MYNN: variants seen among roughly 807,000 people sequenced by gnomAD.
MYNN encodes the protein myoneurin, also known as zinc finger and BTB domain-containing protein 31.
MYNN carries 22 observed loss-of-function variants against 57.2 expected under a neutral mutation model. That is an observed-to-expected ratio of 0.38 (90% confidence interval 0.27 to 0.55). MYNN has a LOEUF of 0.55. Ranked by LOEUF, MYNN falls within the 20% of genes least tolerant of loss-of-function variation. MYNN has a pLI of 0.71. For missense variants in MYNN, 566 were observed against 723.1 expected, an observed-to-expected ratio of 0.78 and a Z score of 2.49; for synonymous variants, 241 against 257.1, an observed-to-expected ratio of 0.94 and a Z score of 0.60.
rs1280542901 is a variant in MYNN, at chr3:169,779,364, A to G, written c.863A>G (p.Asn288Ser). Residue 288 changes from asparagine (N) to serine (S), a missense_variant, in exon 3 of 8, where the codon AAC (asparagine) becomes AGC (serine). Physicochemically the swap from Asn to Ser is conservative, Grantham distance 46. Transcript: ENST00000349841. ...GTCAAGAGTCCTTATGAGGCGGAGAACTCCGGGGAAGAGCTGGATCAGAGG... is the reference window on the plus strand; with the variant it reads ...GTCAAGAGTCCTTATGAGGCGGAGAGCTCCGGGGAAGAGCTGGATCAGAGG... ...ASVKSPYEAE[N>S]SGEELDQRYS... 2 of 1,614,088 alleles carry G rather than the reference A, an allele frequency of 1.2e-6. No individual in the cohort carries two copies. The highest frequency in any genetic ancestry group is 1.7e-6 in the Non-Finnish European group (2 of 1,180,044).
Position 169,774,624 on chromosome 3 carries a change from AT to A in MYNN, c.266+66del, listed in dbSNP as rs1455469955. On this transcript the variant is annotated intron_variant, in intron 2 of 7. Transcript: ENST00000349841. ...TCAGTAGTCTTCACAGCAAAAGTAG[AT>A]TTGTATTTTTTCCATTCATTCTCTG... The A allele has an allele frequency of 4.1e-6, 6 of 1,454,102 alleles. No individual in the cohort carries two copies. In the African/African-American group the frequency reaches 8.5e-5, roughly 21 times the overall value. 90.1% of individuals were successfully genotyped at this position (1,454,102 alleles called of 1,614,324 possible).
chr3:169,785,294 A>G (rs959362497), intron 7 of MYNN, among the ~76,000 whole-genome samples: 5 of 151,966 alleles, frequency 3.3e-5, no homozygotes, highest in African/African-American at 1.2e-4. Flanking sequence ...GTAAATACTT[A>G]AACATCGTAA....
chr3:169,787,680 A>G lies in MYNN; in HGVS notation c.*1002A>G, dbSNP rs1388029088. On this transcript the variant is annotated 3_prime_UTR_variant, in exon 8 of 8. Transcript: ENST00000349841. ...AAACATTTTGAGTTACCAGAAAGCC[A>G]ACTATAGTTAAATATTTTATATCTG... is the stretch of plus-strand genomic sequence containing the variant. The G allele has an allele frequency of 6.6e-6, 1 of 152,164 alleles. No homozygotes were observed. Among genetic ancestry groups the G allele is most frequent in the Non-Finnish European group, 1.5e-5 (1 of 67,978 alleles). The allele number at this position is 152,164 out of a possible 1,614,324, so 9.4% of individuals were successfully genotyped here. A position where few individuals can be genotyped will look rare whatever the true frequency, so the allele number is the denominator to read the frequency against.
Position 169,783,479 on chromosome 3 carries a change from GA to G in MYNN, c.1407del (p.Lys469AsnfsTer46). 1 of 1,598,346 alleles carries G rather than the reference GA, an allele frequency of 6.3e-7. No individual in the cohort carries two copies. Among genetic ancestry groups the G allele is most frequent in the South Asian group, 1.1e-5 (1 of 89,870 alleles). On this transcript the variant is annotated frameshift_variant, in exon 6 of 8. Transcript: ENST00000349841. LOFTEE classifies it high-confidence loss of function. ...GCTATCTTTTATTTTCCATCTAGGT[GA>G]AAAACCATACATATGTGGTATTTGT... Reference protein sequence around the residue: ...LITHSRKHTGEKPYICGICGK... With the variant: ...LITHSRKHTGXKPYICGICGK...
Position 169,785,431 on chromosome 3 carries a change from T to TA in MYNN, c.1570+724dup, listed in dbSNP as rs547205100. ...GCATAGTTCTGGTACTCAAAGCACT[T>TA]ACAACCTGGTGTGCGAGACCAGAAA... On this transcript the variant is annotated intron_variant, in intron 7 of 7. Coordinates refer to ENST00000349841, the MANE Select transcript of MYNN (RefSeq NM_018657.5). 1.9e-3 allele frequency among the ~76,000 whole-genome samples: 287 copies of TA among 152,128 alleles called. 3 individuals carry two copies. Among genetic ancestry groups the TA allele is most frequent in the African/African-American group, 6.6e-3 (276 of 41,546 alleles).
At position 169,784,624 on chromosome 3, in the gene MYNN, GA is replaced by G; in HGVS notation, c.1489del (p.Arg497AspfsTer18). Reference sequence around the variant, plus strand: ...TAAACTTCTAATTTGTTTTTCAGGAGAAAGACCATTTATCTGCGAATTATGT... The same window carrying G: ...TAAACTTCTAATTTGTTTTTCAGGAGAAGACCATTTATCTGCGAATTATGT... ...LNKHFRSHTG[E>X]RPFICELCGN... On this transcript the variant is annotated frameshift_variant, in exon 7 of 8. Transcript: ENST00000349841. LOFTEE classifies it high-confidence loss of function. 1 of 1,551,818 alleles carries G rather than the reference GA, an allele frequency of 6.4e-7. No individual in the cohort carries two copies. The highest frequency in any genetic ancestry group is 8.7e-7 in the Non-Finnish European group (1 of 1,145,394).
At chr3:169,780,183 G>A (rs527457915) in intron 3 of MYNN, 162 of 155,580 alleles carry the variant, frequency 1.0e-3, no homozygotes, top group Non-Finnish European at 1.5e-3. Flanking sequence ...TCAGCCTCCC[G>A]AGTAGCTGGG....
At chr3:169,773,579 T>C (rs994005482) in intron 1 of MYNN, 117 bp downstream of exon 1, 11 of 152,828 alleles carry the variant, frequency 7.2e-5, no homozygotes, top group African/African-American at 2.4e-4. Context: ...AGGCTTGGGC[T>C]AGGCAGCCCC....
At chr3:169,783,599 CTT>C in intron 6 of MYNN, 39 bp downstream of exon 6, 1 of 1,412,144 alleles carries the variant, frequency 7.1e-7, no homozygotes, top group Non-Finnish European at 1.0e-6. Context: ...TTTGTTCTCT[CTT>C]AATTTCTTTT....
At chr3:169,784,382 C>G (rs1052945666) in intron 6 of MYNN, among the ~76,000 whole-genome samples, 25 of 151,852 alleles carry the variant, frequency 1.6e-4, no homozygotes, top group African/African-American at 5.3e-4. Context: ...TTTGCAGATA[C>G]ATTTCTGTTT....
Position 169,783,491 on chromosome 3 carries a change from A to T in MYNN, c.1414A>T (p.Ile472Leu). 2 of 1,607,952 alleles carry T rather than the reference A, an allele frequency of 1.2e-6. No individual in the cohort carries two copies. Among genetic ancestry groups the T allele is most frequent in the Non-Finnish European group, 1.7e-6 (2 of 1,175,198 alleles). The change falls in exon 6 of 8, where the codon ATA (isoleucine) becomes TTA (leucine). Residue 472 changes from isoleucine (I) to leucine (L), a missense_variant. Physicochemically the swap from Ile to Leu is conservative, Grantham distance 5 (BLOSUM62 2). Transcript: ENST00000349841. ...TTTCCATCTAGGTGAAAAACCATAC[A>T]TATGTGGTATTTGTGGGAAAAGTTT... is the stretch of plus-strand genomic sequence containing the variant. ...SRKHTGEKPY[I>L]CGICGKSFIS...
chr3:169,782,604 G>C lies in MYNN; in HGVS notation c.1360G>C (p.Val454Leu). Reference sequence around the variant, plus strand: ...TGATACCTGTGGGAAGGCATTTGCTGTCTCTAGTTCTCTTATCACTCATTC... The same window carrying C: ...TGATACCTGTGGGAAGGCATTTGCTCTCTCTAGTTCTCTTATCACTCATTC... ...VCDTCGKAFA[V>L]SSSLITHSRK... The change falls in exon 5 of 8, where the codon GTC becomes CTC. Residue 454 changes from valine to leucine, a missense_variant. Val to Leu is a conservative substitution (Grantham distance 32). Coordinates refer to ENST00000349841, the MANE Select transcript of MYNN (RefSeq NM_018657.5). The surrounding 1 kb of genome is among the most constrained non-coding windows in gnomAD (Gnocchi z 4.8). The C allele has an allele frequency of 6.2e-7, 1 of 1,613,942 alleles. No individual in the cohort carries two copies. The highest frequency in any genetic ancestry group is 8.5e-7 in the Non-Finnish European group (1 of 1,179,872).
chr3:169,774,472 C>A lies in MYNN; in HGVS notation c.177C>A (p.Asn59Lys). ...CGATCTACAGAAGCACTTCTGAGAA[C>A]AATGTCTTTCTTGATCAGAGTCAGG... ...FGAIYRSTSE[N>K]NVFLDQSQVK... is the part of the protein sequence containing the mutation. Residue 59 changes from asparagine (N) to lysine (K), a missense_variant, in exon 2 of 8, where the codon AAC (asparagine) becomes AAA (lysine). Around this residue, in one of 4 missense-constraint regions of MYNN, gnomAD observed 261 missense variants for 280.8 expected, o/e 0.93. Coordinates refer to ENST00000349841, the MANE Select transcript of MYNN (RefSeq NM_018657.5). 6.2e-7 allele frequency: 1 copy of A among 1,614,006 alleles called. No homozygotes were observed. The highest frequency in any genetic ancestry group is 8.5e-7 in the Non-Finnish European group (1 of 1,179,960).
chr3:169,780,581 T>A lies in MYNN; in HGVS notation c.1061-9T>A. On this transcript the variant is annotated splice_polypyrimidine_tract_variant and intron_variant, in intron 3 of 7. Transcript: ENST00000349841. ...TTTCTTCTAAATATAAATTTTATTGTTCCTTTAGGTGAGAAGCCATACAAA... is the reference window on the plus strand; with the variant it reads ...TTTCTTCTAAATATAAATTTTATTGATCCTTTAGGTGAGAAGCCATACAAA... 1 of 1,573,390 alleles carries A rather than the reference T, an allele frequency of 6.4e-7. No homozygotes were observed. The highest frequency in any genetic ancestry group is 8.6e-7 in the Non-Finnish European group (1 of 1,164,888).
Position 169,786,447 on chromosome 3 carries a change from G to T in MYNN, c.1602G>T (p.Glu534Asp), listed in dbSNP as rs1318703022. Reference protein sequence around the residue: ...GADKTLDSSAEDHTLSEQDSI... With the variant: ...GADKTLDSSADDHTLSEQDSI... ...ATAAAACTCTAGACTCCAGTGCAGA[G>T]GATCATACTTTGAGTGAACAGGATT... Residue 534 changes from glutamate to aspartate, a missense_variant, in exon 8 of 8, where the codon GAG becomes GAT. By Grantham distance (45) the Glu-to-Asp change is conservative (BLOSUM62 2). Coordinates refer to ENST00000349841, the MANE Select transcript of MYNN (RefSeq NM_018657.5). 142 of 1,613,252 alleles carry T rather than the reference G, an allele frequency of 8.8e-5. No individual in the cohort carries two copies. Among genetic ancestry groups the T allele is most frequent in the Non-Finnish European group, 1.2e-4 (139 of 1,179,502 alleles).
intron 2 of MYNN, among the ~76,000 whole-genome samples, chr3:169,775,944 G>A (rs1031636819): frequency 9.9e-5 from 15 of 152,140 alleles, no homozygotes; most frequent in African/African-American, 4.8e-5. Context: ...CCAGTGGGGG[G>A]AGGGGAGGGA....
Position 169,782,591 on chromosome 3 carries a change from G to A in MYNN, c.1347G>A (p.Gly449=), listed in dbSNP as rs1268611267. Residue 449 remains glycine, a synonymous_variant, in exon 5 of 8, where the codon GGG becomes GGA. Coordinates refer to ENST00000349841, the MANE Select transcript of MYNN (RefSeq NM_018657.5). The surrounding 1 kb of genome is among the most constrained non-coding windows in gnomAD (Gnocchi z 4.8). ...AGCCTTATGTATGTGATACCTGTGG[G>A]AAGGCATTTGCTGTCTCTAGTTCTC... ...GEKPYVCDTC[G]KAFAVSSSLI... 3 of 1,613,990 alleles carry A rather than the reference G, an allele frequency of 1.9e-6. No individual in the cohort carries two copies. Among genetic ancestry groups the A allele is most frequent in the South Asian group, 2.2e-5 (2 of 91,072 alleles).
Position 169,780,702 on chromosome 3 carries a change from A to G in MYNN, c.1173A>G (p.Val391=). 1.2e-6 allele frequency: 2 copies of G among 1,609,340 alleles called. No homozygotes were observed. The highest frequency in any genetic ancestry group is 1.7e-6 in the Non-Finnish European group (2 of 1,178,764). The part of the protein sequence containing the change: ...HGEEKPYKCD[V]CNLQFATSSN... Reference sequence around the variant, plus strand: ...AAGAAAAACCCTATAAATGTGATGTATGCAACTTACAGTTTGCAACTTCTA... The same window carrying G: ...AAGAAAAACCCTATAAATGTGATGTGTGCAACTTACAGTTTGCAACTTCTA... The change falls in exon 4 of 8, where the codon GTA becomes GTG. Residue 391 remains valine, a synonymous_variant. Transcript: ENST00000349841.
At position 169,779,401 on chromosome 3, in the gene MYNN, C is replaced by G. The variant is rs748821120; in HGVS notation, c.900C>G (p.Ala300=). The G allele has an allele frequency of 1.1e-5, 17 of 1,614,152 alleles. No individual in the cohort carries two copies. The East Asian group carries it at 3.6e-4, about 34-fold the overall frequency. ...AGCTGGATCAGAGGTATTCCAAGGC[C>G]AAGCCAATGTGTAACACATGTGGGA... ...GEELDQRYSK[A]KPMCNTCGKV... The change falls in exon 3 of 8, where the codon GCC becomes GCG. Residue 300 remains alanine, a synonymous_variant. Transcript: ENST00000349841.
Sources: allele counts gnomAD v4.1 joint callset (sites outside exome capture counted in the v4.1 genomes callset), GRCh38; gene constraint gnomAD v4.1.1; regional missense constraint gnomAD v4.1.1; non-coding constraint Gnocchi (gnomAD v3.1); transcripts MANE v1.5; gene names NCBI Gene and HGNC (gene_info 2026-07-23, HGNC 2026-07-21).